Variants in PARPBP observed in about 807,000 individuals in gnomAD.
PARPBP encodes the protein PCNA-interacting partner.
Under a neutral mutation model 50.0 loss-of-function variants are expected in PARPBP, and 52 were observed. The ratio of observed to expected loss-of-function variants is 1.04; its 90% CI spans 0.83 to 1.31. The LOEUF (loss-of-function observed/expected upper bound fraction) is 1.31. Ranked by LOEUF, PARPBP falls within the 50% of genes most tolerant of loss-of-function variation. The pLI is 0.00. For synonymous variants in PARPBP, 244 were observed against 232.1 expected (o/e 1.05, Z -0.47); for missense variants, 697 against 672.0 (o/e 1.04, Z -0.41).
chr12:102,146,610 A>C (rs1203068004), intron 2 of PARPBP, among the ~76,000 whole-genome samples: 2 of 152,234 alleles, frequency 1.3e-5, no homozygotes, highest in East Asian at 3.8e-4. Flanking sequence ...AAACCATAAA[A>C]ACCCTAGAAG....
At position 102,154,041 on chromosome 12, in the gene PARPBP, G is replaced by T. The variant is rs115100531; in HGVS notation, c.495+65G>T. On this transcript the variant is annotated intron_variant, in intron 4 of 10. Transcript: ENST00000327680. ...CCCTTTCAAATCACTGAATTTGGTG[G>T]TACCTTAAAGTTACTAATGCTTTGT... 1,708 of 958,168 alleles carry T rather than the reference G, an allele frequency of 1.8e-3. 18 individuals are homozygous for T. In the African/African-American group the frequency reaches 0.025, roughly 14 times the overall value. 59.4% of individuals were successfully genotyped at this position (958,168 alleles called of 1,614,324 possible). A position where few individuals can be genotyped will look rare whatever the true frequency, so the allele number is the denominator to read the frequency against.
At chr12:102,176,002 G>A (rs1231580603) in intron 7 of PARPBP, among the ~76,000 whole-genome samples, 1 of 146,460 alleles carries the variant, frequency 6.8e-6, no homozygotes, top group Non-Finnish European at 1.5e-5. Flanking sequence ...TTTTTTTTGA[G>A]ACGGAGTTTC....
intron 3 of PARPBP, chr12:102,151,445 T>A (rs1408490207): frequency 1.5e-5 from 10 of 662,490 alleles, no homozygotes; most frequent in Non-Finnish European, 2.3e-5. Context: ...GTAGCACCTC[T>A]GCAGAAATGG....
intron 8 of PARPBP, among the ~76,000 whole-genome samples, chr12:102,180,856 A>C (rs1196057707): frequency 6.6e-6 from 1 of 152,208 alleles, no homozygotes; most frequent in Non-Finnish European, 1.5e-5. Context: ...TCTACACTGA[A>C]ATGATAAAAT....
chr12:102,143,536 G>A (rs1565865475), intron 2 of PARPBP, among the ~76,000 whole-genome samples: 1 of 152,206 alleles, frequency 6.6e-6, no homozygotes, highest in Non-Finnish European at 1.5e-5. Context: ...AGTTGGAAAT[G>A]CAGAAATCAC....
At chr12:102,170,691 A>G (rs1234724992) in intron 6 of PARPBP, among the ~76,000 whole-genome samples, 1 of 152,172 alleles carries the variant, frequency 6.6e-6, no homozygotes, top group Non-Finnish European at 1.5e-5. Context: ...GCCACACTAA[A>G]TTTATAGAGC....
At chr12:102,176,156 G>C (rs529848540) in intron 7 of PARPBP, among the ~76,000 whole-genome samples, 1 of 151,866 alleles carries the variant, frequency 6.6e-6, no homozygotes, top group African/African-American at 2.4e-5. Flanking sequence ...CTAATTTTTT[G>C]TATTTTTAGT....
chr12:102,158,976 T>C (rs1887270213), intron 4 of PARPBP, among the ~76,000 whole-genome samples: 1 of 152,222 alleles, frequency 6.6e-6, no homozygotes, highest in African/African-American at 2.4e-5. Context: ...TTTGCTTTCT[T>C]GGATTATATT....
chr12:102,169,253 A>G (rs1888450043), intron 6 of PARPBP, among the ~76,000 whole-genome samples: 1 of 152,162 alleles, frequency 6.6e-6, no homozygotes, highest in Admixed American at 6.5e-5. Flanking sequence ...AACTTCAGAT[A>G]CGTCATTCTC....
At chr12:102,121,024 T>G (rs1334402864) in intron 1 of PARPBP, among the ~76,000 whole-genome samples, 1 of 152,216 alleles carries the variant, frequency 6.6e-6, no homozygotes, top group African/African-American at 2.4e-5. Context: ...GGCTACTGTT[T>G]TTTTGTATAG....
intron 10 of PARPBP, 97 bp from the exon 11 acceptor site, chr12:102,195,854 T>A: frequency 4.1e-6 from 3 of 724,162 alleles, no homozygotes; most frequent in Non-Finnish European, 6.7e-6. Context: ...AAAATTTGAA[T>A]ATTCGTTAGC....
At position 102,196,013 on chromosome 12, in the gene PARPBP, G is replaced by C. The variant is rs1274529436; in HGVS notation, c.1462G>C (p.Asp488His). The change falls in exon 11 of 11, where the codon GAC becomes CAC. Residue 488 changes from aspartate to histidine, a missense_variant. Coordinates refer to ENST00000327680, the MANE Select transcript of PARPBP (RefSeq NM_017915.5). ...AACGAGTTTTGGAAATGTTCATCTG[G>C]ACAGAAGTAAAAATGAAAAAGTATC... is the stretch of plus-strand genomic sequence containing the variant. The part of the protein sequence containing the change: ...IGTSFGNVHL[D>H]RSKNEKVSRK... 2 of 1,610,970 alleles carry C rather than the reference G, an allele frequency of 1.2e-6. No homozygotes were observed. The highest frequency in any genetic ancestry group is 1.3e-5 in the African/African-American group (1 of 74,774).
intron 9 of PARPBP, among the ~76,000 whole-genome samples, chr12:102,185,435 T>C (rs1302630684): frequency 6.6e-6 from 1 of 152,184 alleles, no homozygotes; most frequent in Admixed American, 6.5e-5. Flanking sequence ...GGTTTGCTGG[T>C]ATTTTGTAGA....
chr12:102,121,571 T>TTTTA (rs57945278), intron 1 of PARPBP, among the ~76,000 whole-genome samples: 1,277 of 127,312 alleles, frequency 0.01, 48 homozygotes, highest in African/African-American at 0.03. Context: ...TTTTTTTTTT[T>TTTTA]AAGACAGAGT....
chr12:102,173,611 CTT>C (rs1888969228), intron 6 of PARPBP, among the ~76,000 whole-genome samples: 3 of 151,756 alleles, frequency 2.0e-5, no homozygotes, highest in Admixed American at 1.3e-4. Flanking sequence ...TTAAAAAAAA[CTT>C]CAAAAATATA....
At chr12:102,187,260 C>G (rs1594627135) in intron 9 of PARPBP, among the ~76,000 whole-genome samples, 1 of 152,108 alleles carries the variant, frequency 6.6e-6, no homozygotes, top group South Asian at 2.1e-4. Flanking sequence ...TTAGTTAGTC[C>G]TAGTCCCCAG....
chr12:102,132,056 T>G (rs1882943081), intron 2 of PARPBP, among the ~76,000 whole-genome samples: 1 of 151,920 alleles, frequency 6.6e-6, no homozygotes. Context: ...ATACACAAAT[T>G]AGCCAGGCCA....
At chr12:102,167,030 G>A (rs1888203329) in intron 6 of PARPBP, among the ~76,000 whole-genome samples, 1 of 152,088 alleles carries the variant, frequency 6.6e-6, no homozygotes, top group Non-Finnish European at 1.5e-5. Flanking sequence ...ACAGTCATCT[G>A]TCAGTTTTTT....
intron 2 of PARPBP, among the ~76,000 whole-genome samples, chr12:102,133,177 A>T (rs1883123346): frequency 6.6e-6 from 1 of 152,128 alleles, no homozygotes; most frequent in Non-Finnish European, 1.5e-5. Context: ...ACCTTCTAGT[A>T]CTATGTTGAA....
Sources: gnomAD v4.1 joint callset for allele counts (sites outside exome capture counted in the v4.1 genomes callset) on GRCh38, gnomAD v4.1.1 for gene constraint, MANE v1.5 for transcripts, NCBI Gene and HGNC (gene_info 2026-07-23, HGNC 2026-07-21) for gene names.